The following CD96 variants were observed in gnomAD, a reference collection of about 807,000 sequenced individuals.
CD96 encodes the protein CD96 molecule.
Under a neutral mutation model 71.3 loss-of-function variants are expected in CD96, and 70 were observed. The ratio of observed to expected loss-of-function variants is 0.98; its 90% confidence interval spans 0.81 to 1.20. CD96 has a LOEUF of 1.20. CD96 is among the 50% of genes most tolerant of loss of function. The pLI is 0.00. For synonymous variants in CD96, 248 were observed against 233.0 expected (o/e 1.06, Z -0.59); for missense variants, 742 against 677.5 (o/e 1.10, Z -1.06).
chr3:111,611,618 A>G (rs190617801), intron 8 of CD96, among the ~76,000 whole-genome samples: 1 of 152,252 alleles, frequency 6.6e-6, no homozygotes, highest in African/African-American at 2.4e-5. Context: ...ATCAACATGT[A>G]TCTGCTGCTG....
At position 111,579,447 on chromosome 3, in the gene CD96, C is replaced by T. The variant is rs114857763; in HGVS notation, c.751+213C>T. 9.4e-3 allele frequency: 5,938 copies of T among 633,820 alleles called. 47 individuals are homozygous for T. The highest frequency in any genetic ancestry group is 0.015 in the Non-Finnish European group (5,045 of 342,454). The allele number at this position is 633,820 out of a possible 1,614,324, so 39.3% of individuals were successfully genotyped here. A position where few individuals can be genotyped will look rare whatever the true frequency, so the allele number is the denominator to read the frequency against. Reference sequence around the variant, plus strand: ...ATTCTGTTAACAGAATAAAATCATACAGAAGCCAATAATTTTCTGTATTGG... The same window carrying T: ...ATTCTGTTAACAGAATAAAATCATATAGAAGCCAATAATTTTCTGTATTGG... On this transcript the variant is annotated intron_variant, in intron 4 of 13. Transcript: ENST00000352690.
intron 8 of CD96, among the ~76,000 whole-genome samples, chr3:111,620,549 G>T (rs898829401): frequency 2.6e-5 from 4 of 152,076 alleles, no homozygotes; most frequent in African/African-American, 9.7e-5. Context: ...ATAGTAAAGG[G>T]GTCATTATCC....
At chr3:111,629,083 C>T (rs1452191331) in intron 10 of CD96, among the ~76,000 whole-genome samples, 2 of 152,140 alleles carry the variant, frequency 1.3e-5, no homozygotes, top group Admixed American at 1.3e-4. Flanking sequence ...AGGCCATTGA[C>T]ATTATGAAGC....
rs1205894693 is a variant in CD96, at chr3:111,650,764, G to A, written c.*958G>A. ...GCTCCTACCAATCTTTTTTAAAGCA[G>A]TTGAAGCAGAATGTATAGGTGTCAG... On this transcript the variant is annotated 3_prime_UTR_variant, in exon 14 of 14. Transcript: ENST00000352690. The A allele has an allele frequency of 2.6e-5, 4 of 152,254 alleles. No individual in the cohort carries two copies. 9.4% of individuals were successfully genotyped at this position (152,254 alleles called of 1,614,324 possible).
Position 111,613,442 on chromosome 3 carries a change from G to A in CD96, c.1180+6650G>A, listed in dbSNP as rs377283431. Among the ~76,000 whole-genome samples the A allele has an allele frequency of 4.6e-5, 7 of 152,300 alleles. No individual in the cohort carries two copies. The East Asian group carries it at 1.4e-3, about 29-fold the overall frequency. On this transcript the variant is annotated intron_variant, in intron 8 of 13. Transcript: ENST00000352690. ...AAATTTTATGCAGGGTTTAGATTTA[G>A]GTTTAGGTTTCACACCTCATGTCTC...
intron 2 of CD96, among the ~76,000 whole-genome samples, chr3:111,560,077 C>G (rs953573830): frequency 6.9e-6 from 1 of 145,152 alleles, no homozygotes; most frequent in African/African-American, 2.5e-5. Flanking sequence ...CTTCCTCCAT[C>G]CTTTTATTTT....
chr3:111,645,808 G>A (rs575540514), intron 12 of CD96, among the ~76,000 whole-genome samples: 1 of 152,242 alleles, frequency 6.6e-6, no homozygotes, highest in African/African-American at 2.4e-5. Context: ...TTTGACAGGG[G>A]TGAGAATCAG....
chr3:111,561,521 G>A (rs1201765864), intron 2 of CD96, among the ~76,000 whole-genome samples: 4 of 148,050 alleles, frequency 2.7e-5, no homozygotes, highest in East Asian at 2.0e-4. Flanking sequence ...TAGGCTGCTC[G>A]GGGGTCAGGG....
intron 14 of CD96, among the ~76,000 whole-genome samples, chr3:111,662,047 G>A (rs1350505170): frequency 6.6e-6 from 1 of 152,242 alleles, no homozygotes; most frequent in Non-Finnish European, 1.5e-5. Context: ...TCTAGGGAGA[G>A]GTTCTCAAAC....
rs190919835 is a variant in CD96, at chr3:111,562,080, G to A, written c.419-5443G>A. Among the ~76,000 whole-genome samples, 980 of 152,310 alleles carry A rather than the reference G, an allele frequency of 6.4e-3. 13 individuals carry two copies. Among genetic ancestry groups the A allele is most frequent in the African/African-American group, 0.021 (878 of 41,570 alleles). ...CCCTGCTTCGGCTCCCGCACGGTGC[G>A]CGCACCCACTGGCCTGCGCCCACTG... On this transcript the variant is annotated intron_variant, in intron 2 of 13. Transcript: ENST00000352690.
At chr3:111,587,625 A>T (rs756405765) in intron 5 of CD96, among the ~76,000 whole-genome samples, 1 of 152,202 alleles carries the variant, frequency 6.6e-6, no homozygotes, top group Non-Finnish European at 1.5e-5. Flanking sequence ...TTCCTTTTGC[A>T]CTGCCCTAGG....
At chr3:111,586,010 T>C (rs1185372130) in intron 5 of CD96, among the ~76,000 whole-genome samples, 1 of 152,218 alleles carries the variant, frequency 6.6e-6, no homozygotes, top group African/African-American at 2.4e-5. Flanking sequence ...TTACTTCATG[T>C]CTTTGCAGTC....
chr3:111,632,543 T>C (rs1939120303), intron 10 of CD96, among the ~76,000 whole-genome samples: 1 of 152,142 alleles, frequency 6.6e-6, no homozygotes, highest in East Asian at 1.9e-4. Context: ...AGTTCAACAT[T>C]GTGGAAGACA....
intron 4 of CD96, among the ~76,000 whole-genome samples, chr3:111,579,661 A>G (rs1369865098): frequency 2.0e-5 from 3 of 152,178 alleles, no homozygotes; most frequent in African/African-American, 7.2e-5. Context: ...GAGGGGACAG[A>G]GTTTGCTAAT....
intron 1 of CD96, 70 bp downstream of exon 1, chr3:111,542,379 A>C: frequency 2.8e-6 from 2 of 714,964 alleles, no homozygotes; most frequent in Non-Finnish European, 4.6e-6. Context: ...CTGTTCATTT[A>C]AAATGCCTTG....
At chr3:111,560,091 C>T (rs1935305632) in intron 2 of CD96, among the ~76,000 whole-genome samples, 1 of 147,852 alleles carries the variant, frequency 6.8e-6, no homozygotes, top group Non-Finnish European at 1.5e-5. Context: ...TTATTTTGAG[C>T]CTATATGTGT....
chr3:111,628,316 A>G (rs560289320), intron 10 of CD96, among the ~76,000 whole-genome samples: 4 of 152,258 alleles, frequency 2.6e-5, no homozygotes, highest in Non-Finnish European at 5.9e-5. Context: ...CTAAATAGCC[A>G]GTACAGAGAG....
chr3:111,592,553 T>C (rs1937041293), intron 5 of CD96, among the ~76,000 whole-genome samples: 2 of 152,024 alleles, frequency 1.3e-5, no homozygotes, highest in Non-Finnish European at 2.9e-5. Flanking sequence ...ATTTTCATGA[T>C]AAATTTTCCC....
intron 14 of CD96, among the ~76,000 whole-genome samples, chr3:111,664,027 G>A (rs1346067020): frequency 6.6e-6 from 1 of 152,198 alleles, no homozygotes; most frequent in African/African-American, 2.4e-5. Context: ...TGGGGTTACA[G>A]GCTTGAGCCA....
Sources: allele counts gnomAD v4.1 joint callset (sites outside exome capture counted in the v4.1 genomes callset), GRCh38; gene constraint gnomAD v4.1.1; transcripts MANE v1.5; gene names NCBI Gene and HGNC (gene_info 2026-07-23, HGNC 2026-07-21).